Variants in NAV3 observed in about 807,000 individuals in gnomAD.
NAV3 encodes the protein pore membrane and/or filament interacting like protein 1.
In NAV3, 87 loss-of-function variants were observed where a neutral mutation model predicts 244.7. The ratio of observed to expected loss-of-function variants is 0.36; its 90% CI spans 0.30 to 0.42. The LOEUF is 0.42. NAV3 is among the 20% of genes least tolerant of loss of function. NAV3 has a pLI of 1.00. For missense variants in NAV3, 2,663 were observed against 2,893.3 expected, an observed-to-expected ratio of 0.92 and a Z score of 1.83; for synonymous variants, 1,126 against 1,042.2, an observed-to-expected ratio of 1.08 and a Z score of -1.55.
intron 7 of NAV3, among the ~76,000 whole-genome samples, chr12:78,005,572 A>G (rs548602927): frequency 1.3e-5 from 2 of 152,338 alleles, no homozygotes; most frequent in South Asian, 4.1e-4. Flanking sequence ...ATCCCCAAGT[A>G]TCATGTGTGC....
intron 23 of NAV3, among the ~76,000 whole-genome samples, chr12:78,167,369 G>A (rs1027005783): frequency 6.6e-6 from 1 of 151,658 alleles, no homozygotes; most frequent in East Asian, 1.9e-4. Flanking sequence ...CCACTCATAA[G>A]CTACTAAAAG....
chr12:78,138,926 A>G (rs1027933411), intron 19 of NAV3, among the ~76,000 whole-genome samples: 2 of 152,110 alleles, frequency 1.3e-5, no homozygotes, highest in East Asian at 3.9e-4. Context: ...AAGGGACTTT[A>G]TTGATATCCT....
intron 1 of NAV3, among the ~76,000 whole-genome samples, chr12:77,891,390 G>A (rs989485699): frequency 3.3e-5 from 5 of 151,460 alleles, no homozygotes; most frequent in African/African-American, 7.2e-5. Flanking sequence ...TCTATGGTGA[G>A]CATCTTTTTC....
At chr12:77,741,987 T>G (rs1272864446) in intron 2 of NAV3, among the ~76,000 whole-genome samples, 1 of 152,114 alleles carries the variant, frequency 6.6e-6, no homozygotes, top group Non-Finnish European at 1.5e-5. Context: ...CTTTTGACCT[T>G]CATATACAGC....
Position 77,689,287 on chromosome 12 carries a change from A to C in NAV3, c.72+117021A>C, listed in dbSNP as rs1351719687. Among the ~76,000 whole-genome samples, 8 of 152,116 alleles carry C rather than the reference A, an allele frequency of 5.3e-5. No homozygotes were observed. In the South Asian group the frequency reaches 1.7e-3, roughly 32 times the overall value. On this transcript the variant is annotated intron_variant, in intron 2 of 8. Coordinates refer to the NAV3 transcript ENST00000550042. ...CATTATATGCCAGTGTTCAAGTCAA[A>C]GTAGCACTAAAATCACTGAATGAAT...
chr12:78,130,611 A>T (rs1956120610), intron 18 of NAV3: 1 of 159,644 alleles, frequency 6.3e-6, no homozygotes, highest in Non-Finnish European at 1.4e-5. Context: ...TTTTATTATC[A>T]TCCAGGAAGA....
chr12:77,723,011 A>T (rs555179795), intron 2 of NAV3, among the ~76,000 whole-genome samples: 1 of 152,152 alleles, frequency 6.6e-6, no homozygotes, highest in South Asian at 2.1e-4. Context: ...CTTTTGTGTT[A>T]TCAGCTATAG....
At chr12:78,163,487 G>C (rs1187463313) in intron 23 of NAV3, among the ~76,000 whole-genome samples, 1 of 152,188 alleles carries the variant, frequency 6.6e-6, no homozygotes, top group East Asian at 1.9e-4. Flanking sequence ...AGAATTGCTT[G>C]AACCCTGGAG....
At chr12:77,728,904 C>T (rs1258499448) in intron 2 of NAV3, among the ~76,000 whole-genome samples, 1 of 151,914 alleles carries the variant, frequency 6.6e-6, no homozygotes, top group East Asian at 1.9e-4. Flanking sequence ...CCAATCCCTA[C>T]TCATCCTCCT....
At chr12:77,973,922 T>C (rs1323789222) in intron 5 of NAV3, among the ~76,000 whole-genome samples, 1 of 151,982 alleles carries the variant, frequency 6.6e-6, no homozygotes, top group Non-Finnish European at 1.5e-5. Flanking sequence ...GAGGGATATT[T>C]ATAAAATCAT....
chr12:78,188,863 C>A, intron 33 of NAV3, 86 bp downstream of exon 33: 1 of 1,302,972 alleles, frequency 7.7e-7, no homozygotes, highest in Non-Finnish European at 1.0e-6. Context: ...GCCAGTTTCC[C>A]TTAAAATTTT....
intron 2 of NAV3, among the ~76,000 whole-genome samples, chr12:77,628,548 A>G: frequency 6.6e-6 from 1 of 152,206 alleles, no homozygotes; most frequent in East Asian, 1.9e-4. Flanking sequence ...TAATTACGTT[A>G]TCTATTTTCT....
rs2139852355 is a variant in NAV3 at position 78,188,667 on chromosome 12, C to T, written c.5945C>T (p.Ala1982Val). ...CTTGGTCTGAGCTCTGACTGCATTG[C>T]TAGCTACTGTATAGGAGACTTAATT... ...TSLGLSSDCI[A>V]SYCIGDLIRS... The change falls in exon 33 of 40, where the codon GCT (alanine) becomes GTT (valine). Residue 1982 changes from alanine (A) to valine (V), a missense_variant. Transcript: ENST00000397909. 1 of 1,612,262 alleles carries T rather than the reference C, an allele frequency of 6.2e-7. No homozygotes were observed. The highest frequency in any genetic ancestry group is 8.5e-7 in the Non-Finnish European group (1 of 1,178,924).
intron 2 of NAV3, among the ~76,000 whole-genome samples, chr12:77,814,276 A>T (rs896595540): frequency 6.6e-6 from 1 of 152,182 alleles, no homozygotes; most frequent in African/African-American, 2.4e-5. Flanking sequence ...TTGATACAAC[A>T]TCCCAACATC....
At chr12:77,692,777 G>A (rs1875097705) in intron 2 of NAV3, among the ~76,000 whole-genome samples, 1 of 151,942 alleles carries the variant, frequency 6.6e-6, no homozygotes, top group African/African-American at 2.4e-5. Context: ...AAAAAAATAT[G>A]TTTCTGCCCT....
chr12:77,609,318 A>G (rs1870807511), intron 2 of NAV3, among the ~76,000 whole-genome samples: 1 of 152,092 alleles, frequency 6.6e-6, no homozygotes, highest in South Asian at 2.1e-4. Context: ...TTCCCATTTA[A>G]GCTCCTACAA....
chr12:78,181,382 T>C (rs752046479), intron 30 of NAV3, among the ~76,000 whole-genome samples: 1 of 152,060 alleles, frequency 6.6e-6, no homozygotes, highest in Non-Finnish European at 1.5e-5. Context: ...ATGACTTTTA[T>C]TAAGTGTGCA....
At chr12:78,015,130 G>A (rs145342661) in intron 8 of NAV3, among the ~76,000 whole-genome samples, 1,683 of 152,012 alleles carry the variant, frequency 0.011, 28 homozygotes, top group South Asian at 0.055. Flanking sequence ...TGGCAAGATT[G>A]CCTAACCAAA....
intron 2 of NAV3, among the ~76,000 whole-genome samples, chr12:77,746,467 C>G (rs1309851322): frequency 6.6e-6 from 1 of 152,044 alleles, no homozygotes; most frequent in African/African-American, 2.4e-5. Context: ...TTCAATCTAC[C>G]TACAAGTACA....
Sources: gnomAD v4.1 joint callset for allele counts (sites outside exome capture counted in the v4.1 genomes callset) on GRCh38, gnomAD v4.1.1 for gene constraint, MANE v1.5 for transcripts, NCBI Gene and HGNC (gene_info 2026-07-23, HGNC 2026-07-21) for gene names.